The following DAO variants were observed in gnomAD, a reference collection of about 807,000 sequenced individuals.
DAO encodes the protein D-amino-acid oxidase.
A neutral mutation model predicts 50.1 loss-of-function variants in DAO; 51 were observed. The observed-to-expected ratio is 1.02, with a 90% CI of 0.81 to 1.29. The LOEUF is 1.29. Among genes scored for constraint, DAO ranks in the 50% most tolerant of loss-of-function variants. The pLI, the probability that DAO is intolerant of heterozygous loss-of-function variation, is 0.00. For missense variants in DAO, 436 were observed against 439.4 expected (o/e 0.99, Z 0.07); for synonymous variants, 160 against 166.2 (o/e 0.96, Z 0.29).
chr12:108,885,641 C>T (rs1039152304), intron 2 of DAO, among the ~76,000 whole-genome samples: 4 of 152,088 alleles, frequency 2.6e-5, no homozygotes, highest in African/African-American at 9.7e-5. Context: ...AAATATTAAG[C>T]CCCTTGCTCT....
At chr12:108,888,770 G>A (rs901149148) in intron 3 of DAO, among the ~76,000 whole-genome samples, 9 of 151,930 alleles carry the variant, frequency 5.9e-5, no homozygotes, top group Non-Finnish European at 1.3e-4. Flanking sequence ...TCTCATCCCC[G>A]GGGACTCTCA....
chr12:108,887,162 C>T (rs911692679), intron 2 of DAO, among the ~76,000 whole-genome samples: 3 of 152,172 alleles, frequency 2.0e-5, no homozygotes, highest in African/African-American at 7.2e-5. Context: ...AAGGACTTCA[C>T]TGAAACTCAT....
rs1429538469 is a variant in DAO at position 108,900,405 on chromosome 12, T to C, written c.914T>C (p.Val305Ala). The change falls in exon 11 of 11, where the codon GTC (valine) becomes GCC (alanine). Residue 305 changes from valine to alanine, a missense_variant and splice_region_variant. Transcript: ENST00000228476. ...QLRTGPSNTEVIHNYGHGGYG... is the reference protein window; with the variant it reads ...QLRTGPSNTEAIHNYGHGGYG... ...CACCTTCTCTCTTGCCTCTCCTAGGTCATCCACAACTATGGCCATGGAGGC... is the reference window on the plus strand; with the variant it reads ...CACCTTCTCTCTTGCCTCTCCTAGGCCATCCACAACTATGGCCATGGAGGC... 26 of 1,613,862 alleles carry C rather than the reference T, an allele frequency of 1.6e-5. No individual in the cohort carries two copies. The highest frequency in any genetic ancestry group is 2.0e-5 in the Non-Finnish European group (24 of 1,179,926).
intron 10 of DAO, 21 bp from the exon 11 acceptor site, chr12:108,900,383 C>A (rs762262174): frequency 1.2e-6 from 2 of 1,613,526 alleles, no homozygotes; most frequent in Non-Finnish European, 8.5e-7. Context: ...ACCTGGCCAC[C>A]TTCTCTCTTG....
At chr12:108,889,360 T>G (rs1006374221) in intron 3 of DAO, 109 bp from the exon 4 acceptor site, 20 of 721,956 alleles carry the variant, frequency 2.8e-5, no homozygotes, top group East Asian at 6.0e-5. Context: ...TCCACCCATC[T>G]CAGCTTCCCA....
chr12:108,883,014 T>TA (rs1243192365), intron 1 of DAO, among the ~76,000 whole-genome samples: 3 of 151,636 alleles, frequency 2.0e-5, no homozygotes, highest in South Asian at 2.1e-4. Context: ...CCTTGTCTCT[T>TA]AAAAAAAAGA....
chr12:108,881,023 G>C (rs12579920), intron 1 of DAO, among the ~76,000 whole-genome samples: 1 of 152,014 alleles, frequency 6.6e-6, no homozygotes, highest in Admixed American at 6.5e-5. Flanking sequence ...GAATGAGGGC[G>C]GTAACCTTCC....
At position 108,898,805 on chromosome 12, in the gene DAO, G is replaced by T; in HGVS notation, c.813+9G>T. ...TGGAGCCCACACTGAAGGTAAGGTAGGGAGGAGTAGCAGTGCCCTAAACCA... is the reference window on the plus strand; with the variant it reads ...TGGAGCCCACACTGAAGGTAAGGTATGGAGGAGTAGCAGTGCCCTAAACCA... On this transcript the variant is annotated intron_variant, in intron 9 of 10. Transcript: ENST00000228476. 1.3e-6 allele frequency: 2 copies of T among 1,599,646 alleles called. No individual in the cohort carries two copies. The highest frequency in any genetic ancestry group is 1.1e-5 in the South Asian group (1 of 90,768).
rs961379845 is a variant in DAO at position 108,880,183 on chromosome 12, G to T, written c.-51G>T. ...TCAGGAAATAGCATCCTGTGTCCCC[G>T]CACTGCAGTTGTCTGGTCTCTCCAG... On this transcript the variant is annotated 5_prime_UTR_variant, in exon 1 of 11. Transcript: ENST00000228476. The T allele has an allele frequency of 2.2e-6, 1 of 455,202 alleles. No homozygotes were observed. The highest frequency in any genetic ancestry group is 1.6e-5 in the South Asian group (1 of 64,242). 28.2% of individuals were successfully genotyped at this position (455,202 alleles called of 1,614,324 possible).
In DAO at chr12:108,899,216, G is replaced by A. The variant is rs967803060; in HGVS notation, c.814-161G>A. On this transcript the variant is annotated intron_variant, in intron 9 of 10. Coordinates refer to ENST00000228476, the MANE Select transcript of DAO (RefSeq NM_001917.5). ...AGCAGTAATGGTAATGATGTTGGTA[G>A]CTGATAAAGATGGTGTTGGTGGTAG... Among the ~76,000 whole-genome samples, 75 of 152,144 alleles carry A rather than the reference G, an allele frequency of 4.9e-4. 1 individual carries two copies. The highest frequency in any genetic ancestry group is 4.8e-3 in the Admixed American group (73 of 15,262).
chr12:108,895,273 G>A (rs565996593), intron 7 of DAO, among the ~76,000 whole-genome samples: 1 of 151,928 alleles, frequency 6.6e-6, no homozygotes, highest in African/African-American at 2.4e-5. Flanking sequence ...ATGTATGTGT[G>A]TGTGTGTATG....
In DAO at chr12:108,900,706, G is replaced by T. The variant is rs2039613631; in HGVS notation, c.*171G>T. ...CCTGGAGAAGGGTTCAGCCCAACATGGGGCCCCTCTCATCACTGAAATCCC... is the reference window on the plus strand; with the variant it reads ...CCTGGAGAAGGGTTCAGCCCAACATTGGGCCCCTCTCATCACTGAAATCCC... On this transcript the variant is annotated 3_prime_UTR_variant, in exon 11 of 11. Transcript: ENST00000228476. 2 of 845,290 alleles carry T rather than the reference G, an allele frequency of 2.4e-6. No individual in the cohort carries two copies. Among genetic ancestry groups the T allele is most frequent in the Non-Finnish European group, 3.6e-6 (2 of 558,020 alleles). The allele number at this position is 845,290 out of a possible 1,614,324, so 52.4% of individuals were successfully genotyped here. A position where few individuals can be genotyped will look rare whatever the true frequency, so the allele number is the denominator to read the frequency against.
intron 7 of DAO, among the ~76,000 whole-genome samples, chr12:108,895,935 G>A (rs529611287): frequency 6.6e-6 from 1 of 152,020 alleles, no homozygotes; most frequent in East Asian, 1.9e-4. Context: ...TATGGAGCCA[G>A]CTTGAGGGCG....
chr12:108,900,977 A>C lies in DAO; in HGVS notation c.*442A>C. 4.5e-6 allele frequency: 1 copy of C among 223,584 alleles called. No homozygotes were observed. The highest frequency in any genetic ancestry group is 6.7e-5 in the South Asian group (1 of 14,846). The allele number at this position is 223,584 out of a possible 1,614,324, so 13.9% of individuals were successfully genotyped here. A position where few individuals can be genotyped will look rare whatever the true frequency, so the allele number is the denominator to read the frequency against. On this transcript the variant is annotated 3_prime_UTR_variant, in exon 11 of 11. Coordinates refer to ENST00000228476, the MANE Select transcript of DAO (RefSeq NM_001917.5). Reference sequence around the variant, plus strand: ...CAGTGCTTGCTAAACCTATCTGGCTATGGAACTCTTTTGCCCAGAGCACCC... The same window carrying C: ...CAGTGCTTGCTAAACCTATCTGGCTCTGGAACTCTTTTGCCCAGAGCACCC...
chr12:108,898,349 C>T (rs1367547159), intron 8 of DAO: 3 of 369,990 alleles, frequency 8.1e-6, no homozygotes, highest in Non-Finnish European at 1.6e-5. Flanking sequence ...CATGGTTGCA[C>T]CAACCATGTT....
At chr12:108,897,837 T>C (rs2039576680) in intron 8 of DAO, among the ~76,000 whole-genome samples, 1 of 151,840 alleles carries the variant, frequency 6.6e-6, no homozygotes, top group Non-Finnish European at 1.5e-5. Flanking sequence ...GTCCCAGCTA[T>C]TCGAGAGGCT....
chr12:108,882,110 C>T lies in DAO; in HGVS notation c.-10+1886C>T, dbSNP rs78880240. Among the ~76,000 whole-genome samples, 121 of 152,286 alleles carry T rather than the reference C, an allele frequency of 7.9e-4. 3 individuals carry two copies. In the East Asian group the frequency reaches 0.022, roughly 28 times the overall value. On this transcript the variant is annotated intron_variant, in intron 1 of 10. Transcript: ENST00000228476. ...CAAGCATGGCATTTAAGCACCTAGG[C>T]TTATGAGTCAGGCTGGCCTGGGCTC...
intron 5 of DAO, among the ~76,000 whole-genome samples, chr12:108,892,679 G>T (rs1253833159): frequency 2.6e-5 from 4 of 152,146 alleles, no homozygotes; most frequent in Non-Finnish European, 4.4e-5. Flanking sequence ...GGGCTAAGAG[G>T]CCTGGGTTTG....
intron 7 of DAO, among the ~76,000 whole-genome samples, chr12:108,895,216 A>C (rs1314447066): frequency 7.1e-6 from 1 of 140,254 alleles, no homozygotes; most frequent in African/African-American, 3.0e-5. Flanking sequence ...GCATTGTTCC[A>C]TGCCTCCTCT....
Sources: allele counts gnomAD v4.1 joint callset (sites outside exome capture counted in the v4.1 genomes callset), GRCh38; gene constraint gnomAD v4.1.1; transcripts MANE v1.5; gene names NCBI Gene and HGNC (gene_info 2026-07-23, HGNC 2026-07-21).